The following NME9 variants were observed in gnomAD, a reference collection of about 807,000 sequenced individuals.
NME9 encodes the protein thioredoxin domain-containing protein 6.
NME9 carries 48 observed loss-of-function variants against 44.4 expected under a neutral mutation model. The observed-to-expected ratio is 1.08, with a 90% CI of 0.86 to 1.37. The LOEUF (loss-of-function observed/expected upper bound fraction) is 1.37, where lower values mean the gene tolerates loss of function less well. NME9 is among the 40% of genes most tolerant of loss of function. The probability of loss-of-function intolerance (pLI) is 0.00; values close to 1 mark genes in which losing one functional copy is unlikely to be tolerated. For missense variants in NME9, 325 were observed against 405.2 expected (o/e 0.80, Z 1.70); for synonymous variants, 139 against 147.1 (o/e 0.94, Z 0.40).
intron 8 of NME9, among the ~76,000 whole-genome samples, chr3:138,273,831 T>C (rs888112893): frequency 2.6e-5 from 4 of 152,088 alleles, no homozygotes; most frequent in African/African-American, 9.7e-5. Flanking sequence ...CTTTTTTTTT[T>C]TTTGAGACAG....
chr3:138,288,040 G>A (rs2050589001), intron 8 of NME9: 1 of 158,070 alleles, frequency 6.3e-6, no homozygotes, highest in Admixed American at 6.2e-5. Context: ...TGATAGTAAA[G>A]ACATTTGAGA....
At chr3:138,275,342 G>A (rs1031365351) in intron 8 of NME9, among the ~76,000 whole-genome samples, 2 of 152,120 alleles carry the variant, frequency 1.3e-5, no homozygotes, top group Non-Finnish European at 2.9e-5. Flanking sequence ...CGGATCACGA[G>A]GTCAGGAGAT....
In NME9 at chr3:138,306,325, A is replaced by T; in HGVS notation, c.543+73T>A. The T allele has an allele frequency of 2.7e-6, 3 of 1,126,808 alleles. No individual in the cohort carries two copies. The South Asian group carries it at 3.7e-5, about 14-fold the overall frequency. 69.8% of individuals were successfully genotyped at this position (1,126,808 alleles called of 1,614,324 possible). ...TTTCTGCACTAAGATATCACTGCCC[A>T]GTGCCCCATCCCTGTTTATCCACAA... On this transcript the variant is annotated intron_variant, in intron 7 of 10. Transcript: ENST00000333911.
At chr3:138,305,608 G>A (rs747037447) in intron 8 of NME9, among the ~76,000 whole-genome samples, 4 of 152,198 alleles carry the variant, frequency 2.6e-5, no homozygotes, top group Non-Finnish European at 5.9e-5. Flanking sequence ...CCAAGCAGGT[G>A]GGTTATCAGC....
At chr3:138,280,095 G>C (rs1238567445) in intron 8 of NME9, among the ~76,000 whole-genome samples, 1 of 151,756 alleles carries the variant, frequency 6.6e-6, no homozygotes, top group Non-Finnish European at 1.5e-5. Flanking sequence ...GTAGATATGG[G>C]GTTTCACCAT....
rs763431944 is a variant in NME9, at chr3:138,262,549, G to A, written c.783C>T (p.Asp261=). 1.6e-5 allele frequency: 26 copies of A among 1,612,142 alleles called. No homozygotes were observed. The South Asian group carries it at 2.8e-4, about 17-fold the overall frequency. Residue 261 remains aspartate, a synonymous_variant, in exon 9 of 9, where the codon GAC becomes GAT. Coordinates refer to the NME9 transcript ENST00000317876. ...TCTGAATCCTCTCATTTTAGTCTAGGTCAGTGATCTTCAACCTTGGCTGTG... is the reference window on the plus strand; with the variant it reads ...TCTGAATCCTCTCATTTTAGTCTAGATCAGTGATCTTCAACCTTGGCTGTG...
At chr3:138,305,827 A>G in intron 8 of NME9, 177 bp downstream of exon 8, 1 of 554,514 alleles carries the variant, frequency 1.8e-6, no homozygotes, top group East Asian at 2.8e-5. Context: ...TTTGCAACCA[A>G]AAAACTTTAC....
At chr3:138,322,485 GGTGTGTGTGTGTGTGTGT>G (rs10580643) in intron 2 of NME9, among the ~76,000 whole-genome samples, 1 of 146,330 alleles carries the variant, frequency 6.8e-6, no homozygotes, top group African/African-American at 2.5e-5. Context: ...AAGAAAAAGG[GGTGTGTGTGTGTGTGTGT>G]GTGTGTGTGT....
chr3:138,324,495 T>C (rs1214498064), intron 2 of NME9: 3 of 464,422 alleles, frequency 6.5e-6, no homozygotes, highest in Non-Finnish European at 1.3e-5. Flanking sequence ...TCCTAATGAC[T>C]GCAGTCCCAG....
rs1050712973 is a variant in NME9, at chr3:138,288,970, A to G, written c.745+14537T>C. ...GACTTTTAGGTTATAGGAATTGGCT[A>G]TGGTAGGTCCCCCCAAAAAAAAATC... On this transcript the variant is annotated intron_variant, in intron 8 of 8. Transcript: ENST00000317876. 3 of 1,189,518 alleles carry G rather than the reference A, an allele frequency of 2.5e-6. No homozygotes were observed. In the African/African-American group the frequency reaches 4.6e-5, roughly 18 times the overall value. The allele number at this position is 1,189,518 out of a possible 1,614,324, so 73.7% of individuals were successfully genotyped here.
chr3:138,271,373 A>C (rs1319255123), intron 8 of NME9, among the ~76,000 whole-genome samples: 2 of 152,154 alleles, frequency 1.3e-5, no homozygotes, highest in East Asian at 3.8e-4. Flanking sequence ...ACTTCATCTC[A>C]TAACATGGTT....
chr3:138,323,855 G>T (rs1238728337), intron 2 of NME9, among the ~76,000 whole-genome samples: 3 of 152,212 alleles, frequency 2.0e-5, no homozygotes, highest in Non-Finnish European at 4.4e-5. Context: ...AAGAGTGGGT[G>T]ACAGTAGGTG....
chr3:138,300,825 G>A (rs143630919), downstream of NME9, among the ~76,000 whole-genome samples: 3 of 152,348 alleles, frequency 2.0e-5, no homozygotes, highest in East Asian at 5.8e-4. Flanking sequence ...GAGAACTGCA[G>A]ATGGGGAAAT....
At chr3:138,285,917 C>T (rs1461508004) in intron 8 of NME9, among the ~76,000 whole-genome samples, 1 of 152,018 alleles carries the variant, frequency 6.6e-6, no homozygotes, top group Non-Finnish European at 1.5e-5. Context: ...CGAGACATAC[C>T]CATTTCTCTG....
At chr3:138,270,214 A>C in intron 8 of NME9, 1 of 1,099,474 alleles carries the variant, frequency 9.1e-7, no homozygotes, top group Non-Finnish European at 1.3e-6. Flanking sequence ...GTGTTATTTG[A>C]AATGTCTGGA....
At chr3:138,313,335 T>C (rs1387381778) in intron 6 of NME9, among the ~76,000 whole-genome samples, 2 of 152,080 alleles carry the variant, frequency 1.3e-5, no homozygotes, top group Non-Finnish European at 2.9e-5. Context: ...GAGGTTGCAG[T>C]GAGCCAAGAT....
intron 8 of NME9, among the ~76,000 whole-genome samples, chr3:138,281,429 A>T (rs2049918064): frequency 6.6e-6 from 1 of 151,726 alleles, no homozygotes; most frequent in Admixed American, 6.6e-5. Context: ...AGTAGCTGGG[A>T]CTACAGGCAT....
chr3:138,266,410 G>A (rs750864062), intron 8 of NME9, among the ~76,000 whole-genome samples: 37 of 152,060 alleles, frequency 2.4e-4, no homozygotes, highest in Non-Finnish European at 4.9e-4. Context: ...AACTGTTGGG[G>A]CCAGATTTGA....
At chr3:138,297,205 G>T (rs564351914), downstream of NME9, 4 of 152,236 alleles carry the variant, frequency 2.6e-5, no homozygotes, top group Admixed American at 6.5e-5. Flanking sequence ...TTGAGAGAGG[G>T]GCAAGGGAAT....
Sources: gnomAD v4.1 joint callset for allele counts (sites outside exome capture counted in the v4.1 genomes callset) on GRCh38, gnomAD v4.1.1 for gene constraint, MANE v1.5 for transcripts, NCBI Gene and HGNC (gene_info 2026-07-23, HGNC 2026-07-21) for gene names.